The following FMN1 variants were observed in gnomAD, a reference collection of about 807,000 sequenced individuals.
FMN1 encodes the protein formin-1.
FMN1 carries 110 observed loss-of-function variants against 132.4 expected under a neutral mutation model. The ratio of observed to expected loss-of-function variants is 0.83; its 90% CI spans 0.71 to 0.97. The LOEUF (loss-of-function observed/expected upper bound fraction) is 0.97, where lower values mean the gene tolerates loss of function less well. Among genes scored for constraint, FMN1 ranks in the 50% least tolerant of loss-of-function variants. The pLI is 0.00. For missense variants in FMN1, 1,792 were observed against 1,705.3 expected, an observed-to-expected ratio of 1.05 and a Z score of -0.90; for synonymous variants, 722 against 651.7, an observed-to-expected ratio of 1.11 and a Z score of -1.64.
At chr15:32,843,615 C>A (rs769584496) in intron 17 of FMN1, among the ~76,000 whole-genome samples, 1 of 152,172 alleles carries the variant, frequency 6.6e-6, no homozygotes, top group South Asian at 2.1e-4. Context: ...TACTATATTA[C>A]AATTACTCAC....
chr15:33,174,340 T>C (rs1474276665), intron 3 of FMN1, among the ~76,000 whole-genome samples: 1 of 152,172 alleles, frequency 6.6e-6, no homozygotes, highest in East Asian at 1.9e-4. Context: ...AAGTCCTTCT[T>C]AATACCTCCC....
intron 16 of FMN1, among the ~76,000 whole-genome samples, chr15:32,884,172 A>C (rs1475461935): frequency 6.6e-6 from 1 of 152,150 alleles, no homozygotes; most frequent in South Asian, 2.1e-4. Context: ...GAGGCTTAAA[A>C]CACCAGAAAT....
intron 4 of FMN1, among the ~76,000 whole-genome samples, chr15:33,091,752 T>G (rs1415070394): frequency 1.3e-5 from 2 of 152,164 alleles, no homozygotes; most frequent in African/African-American, 4.8e-5. Flanking sequence ...ACGTCTGTAT[T>G]TATTAAAATG....
At chr15:33,031,326 G>C (rs189762438) in intron 6 of FMN1, among the ~76,000 whole-genome samples, 22 of 152,310 alleles carry the variant, frequency 1.4e-4, no homozygotes, top group African/African-American at 5.1e-4. Context: ...GCACTGTGGA[G>C]AGGGTCTGCT....
intron 4 of FMN1, among the ~76,000 whole-genome samples, chr15:33,094,124 G>C (rs764086288): frequency 8.5e-5 from 13 of 152,184 alleles, no homozygotes; most frequent in Non-Finnish European, 1.6e-4. Flanking sequence ...AAGAGCGTGG[G>C]TACAGGGCTT....
At chr15:33,045,739 G>C (rs1596543241) in intron 6 of FMN1, among the ~76,000 whole-genome samples, 1 of 152,266 alleles carries the variant, frequency 6.6e-6, no homozygotes, top group South Asian at 2.1e-4. Context: ...AATACTGCAG[G>C]GGTTGAAAAG....
intron 7 of FMN1, among the ~76,000 whole-genome samples, chr15:32,972,759 G>GT (rs1222341121): frequency 1.3e-5 from 2 of 152,068 alleles, no homozygotes; most frequent in Non-Finnish European, 2.9e-5. Flanking sequence ...CACCAGGTGA[G>GT]TACCTTCAAA....
In FMN1 at chr15:32,971,221, T is replaced by C. The variant is rs16962366; in HGVS notation, c.2224-1744A>G. On this transcript the variant is annotated intron_variant, in intron 7 of 20. Coordinates refer to ENST00000616417, the MANE Select transcript of FMN1 (RefSeq NM_001277313.2). Reference sequence around the variant, plus strand: ...ATTATGCCTGGAACACAGAAACGTTTGGATAAATCTTACTGTTAGTTTCTG... The same window carrying C: ...ATTATGCCTGGAACACAGAAACGTTCGGATAAATCTTACTGTTAGTTTCTG... 7.9e-3 allele frequency among the ~76,000 whole-genome samples: 1,209 copies of C among 152,366 alleles called. 44 individuals are homozygous for C. The highest frequency in any genetic ancestry group is 0.05 in the Admixed American group (762 of 15,304).
chr15:32,838,670 G>T (rs2058679868), intron 17 of FMN1, among the ~76,000 whole-genome samples: 1 of 152,180 alleles, frequency 6.6e-6, no homozygotes, highest in Non-Finnish European at 1.5e-5. Flanking sequence ...ATTAAGGAAA[G>T]ATATTACCCT....
intron 17 of FMN1, among the ~76,000 whole-genome samples, chr15:32,825,593 A>G (rs1456935304): frequency 6.6e-6 from 1 of 152,194 alleles, no homozygotes; most frequent in African/African-American, 2.4e-5. Flanking sequence ...TAATTATACA[A>G]TGGGTTACTT....
rs376551785 is a variant in FMN1 at position 32,928,586 on chromosome 15, C to A, written c.3139-2325G>T. On this transcript the variant is annotated intron_variant, in intron 9 of 20. Coordinates refer to ENST00000616417, the MANE Select transcript of FMN1 (RefSeq NM_001277313.2). The stretch of plus-strand genomic sequence containing the variant: ...GAAGTTTGCTGTAGAGTCAAAAAGG[C>A]AAATAAAAGCATCACCTAAACTAAC... Among the ~76,000 whole-genome samples, 21 of 152,156 alleles carry A rather than the reference C, an allele frequency of 1.4e-4. No homozygotes were observed. In the South Asian group the frequency reaches 3.9e-3, roughly 29 times the overall value.
intron 4 of FMN1, chr15:33,151,436 G>A: frequency 2.0e-6 from 3 of 1,517,854 alleles, no homozygotes; most frequent in South Asian, 1.2e-5. Flanking sequence ...AAAGGAACAT[G>A]TGATCATCCA....
At chr15:33,166,055 T>A (rs1011159687) in intron 3 of FMN1, among the ~76,000 whole-genome samples, 3 of 152,238 alleles carry the variant, frequency 2.0e-5, no homozygotes, top group African/African-American at 7.2e-5. Flanking sequence ...CACAGTAATA[T>A]GACATCTGTT....
At position 33,012,746 on chromosome 15, in the gene FMN1, G is replaced by A. The variant is rs1407871279; in HGVS notation, c.2162-4671C>T. The A allele has an allele frequency of 1.1e-5, 8 of 744,092 alleles. No individual in the cohort carries two copies. The African/African-American group carries it at 1.2e-4, about 11-fold the overall frequency. 46.1% of individuals were successfully genotyped at this position (744,092 alleles called of 1,614,324 possible). A position where few individuals can be genotyped will look rare whatever the true frequency, so the allele number is the denominator to read the frequency against. On this transcript the variant is annotated intron_variant, in intron 6 of 20. Coordinates refer to ENST00000616417, the MANE Select transcript of FMN1 (RefSeq NM_001277313.2). ...CGTGGTGGCCATGGAGGTGGTTTTG[G>A]TGGGAACGACATCTTTGGTTATGGA...
intron 16 of FMN1, among the ~76,000 whole-genome samples, chr15:32,867,098 C>T (rs1168605544): frequency 6.6e-6 from 1 of 152,226 alleles, no homozygotes; most frequent in East Asian, 1.9e-4. Context: ...TCCTACGGAA[C>T]TCCTGAATTC....
chr15:32,893,711 C>T (rs1390929027), intron 15 of FMN1, among the ~76,000 whole-genome samples: 1 of 152,254 alleles, frequency 6.6e-6, no homozygotes, highest in Non-Finnish European at 1.5e-5. Context: ...GCCAGAAGAG[C>T]ACCACACTAC....
At chr15:33,048,156 G>C (rs914131707) in intron 6 of FMN1, among the ~76,000 whole-genome samples, 3 of 152,050 alleles carry the variant, frequency 2.0e-5, no homozygotes, top group African/African-American at 4.8e-5. Flanking sequence ...TCTAAATTAT[G>C]CAGGTCAGAT....
chr15:32,778,814 A>G (rs118037553), intron 19 of FMN1, among the ~76,000 whole-genome samples: 3,357 of 152,290 alleles, frequency 0.022, 94 homozygotes, highest in Admixed American at 0.072. Flanking sequence ...AGGTACATAA[A>G]TATATCTATA....
chr15:32,830,748 G>A (rs1005038592), intron 17 of FMN1, among the ~76,000 whole-genome samples: 1 of 152,140 alleles, frequency 6.6e-6, no homozygotes, highest in African/African-American at 2.4e-5. Flanking sequence ...GTATATGTAA[G>A]AAAAGCCCTC....
Sources: allele counts gnomAD v4.1 joint callset (sites outside exome capture counted in the v4.1 genomes callset), GRCh38; gene constraint gnomAD v4.1.1; transcripts MANE v1.5; gene names NCBI Gene and HGNC (gene_info 2026-07-23, HGNC 2026-07-21).